TRABD2B: variants seen among roughly 807,000 people sequenced by gnomAD.
The protein encoded by TRABD2B is metalloprotease TIKI2.
In TRABD2B, 14 loss-of-function variants were observed where a neutral mutation model predicts 40.1. The ratio of observed to expected loss-of-function variants is 0.35; its 90% CI spans 0.23 to 0.55. The LOEUF (loss-of-function observed/expected upper bound fraction) is 0.55. Ranked by LOEUF, TRABD2B falls within the 20% of genes least tolerant of loss-of-function variation. The pLI, the probability that TRABD2B is intolerant of heterozygous loss-of-function variation, is 0.90. For synonymous variants in TRABD2B, 263 were observed against 277.0 expected (o/e 0.95, Z 0.50); for missense variants, 541 against 648.6 (o/e 0.83, Z 1.80).
intron 2 of TRABD2B, among the ~76,000 whole-genome samples, chr1:47,875,078 T>G (rs1644204623): frequency 6.6e-6 from 1 of 151,936 alleles, no homozygotes; most frequent in Non-Finnish European, 1.5e-5. Flanking sequence ...TCTATATGGG[T>G]GACAAAATCA....
intron 2 of TRABD2B, among the ~76,000 whole-genome samples, chr1:47,909,190 T>C (rs982486190): frequency 6.6e-6 from 1 of 152,184 alleles, no homozygotes; most frequent in African/African-American, 2.4e-5. Context: ...CTGTGCAAGG[T>C]AGTGTGTTAG....
chr1:47,765,930 A>G lies in TRABD2B; in HGVS notation c.1526T>C (p.Phe509Ser). ...GGAGGGCCCAAGGCTATGCAGCAGG[A>G]AGCAGACAGCGATGGTGGTGGCGAT... Reference protein sequence around the residue: ...PAIATTIAVCFLLHSLGPS With the variant: ...PAIATTIAVCSLLHSLGPS Residue 509 changes from phenylalanine to serine, a missense_variant, in exon 7 of 7, where the codon TTC becomes TCC. Physicochemically the swap from Phe to Ser is radical, Grantham distance 155 (BLOSUM62 -2). Around this residue, in one of 2 missense-constraint regions of TRABD2B, gnomAD observed 172 missense variants for 155.8 expected, o/e 1.10. Transcript: ENST00000606738. 1 of 702,966 alleles carries G rather than the reference A, an allele frequency of 1.4e-6. No homozygotes were observed. 43.5% of individuals were successfully genotyped at this position (702,966 alleles called of 1,614,324 possible).
At chr1:47,991,898 G>C (rs1486714323) in intron 2 of TRABD2B, among the ~76,000 whole-genome samples, 1 of 152,120 alleles carries the variant, frequency 6.6e-6, no homozygotes, top group African/African-American at 2.4e-5. Context: ...TTCTGATTTT[G>C]AATTTTTGGA....
intron 2 of TRABD2B, among the ~76,000 whole-genome samples, chr1:47,970,740 G>T (rs983626533): frequency 1.3e-5 from 2 of 152,148 alleles, no homozygotes; most frequent in African/African-American, 4.8e-5. Flanking sequence ...TTGTGGGTTG[G>T]ACTCAGGTCT....
chr1:47,874,341 C>T (rs1352549192), intron 2 of TRABD2B, among the ~76,000 whole-genome samples: 1 of 138,402 alleles, frequency 7.2e-6, no homozygotes, highest in Non-Finnish European at 1.5e-5. Flanking sequence ...GGCGCAATCT[C>T]GGCTCACTGC....
intron 6 of TRABD2B, among the ~76,000 whole-genome samples, chr1:47,767,888 TCAC>T (rs1275197933): frequency 6.6e-6 from 1 of 152,164 alleles, no homozygotes; most frequent in Non-Finnish European, 1.5e-5. Flanking sequence ...CAGCCTGTAA[TCAC>T]CACCACCAGA....
At chr1:47,946,173 T>A (rs1372433242) in intron 2 of TRABD2B, among the ~76,000 whole-genome samples, 1 of 152,238 alleles carries the variant, frequency 6.6e-6, no homozygotes, top group African/African-American at 2.4e-5. Flanking sequence ...TGGTACTTAC[T>A]TGCCATTCAT....
Position 47,936,976 on chromosome 1 carries a change from TCAC to T in TRABD2B, c.666+57055_666+57057del, listed in dbSNP as rs766112217. On this transcript the variant is annotated intron_variant, in intron 2 of 6. Transcript: ENST00000606738. ...ACCACCACCATCATGATCATCACCA[TCAC>T]CACCACCATCATGATCACCACCATC... Among the ~76,000 whole-genome samples, 16 of 147,416 alleles carry T rather than the reference TCAC, an allele frequency of 1.1e-4. No homozygotes were observed. The East Asian group carries it at 2.9e-3, about 26-fold the overall frequency.
In TRABD2B at chr1:47,909,622, C is replaced by T. The variant is rs1401364444; in HGVS notation, c.666+84412G>A. 5.4e-5 allele frequency among the ~76,000 whole-genome samples: 8 copies of T among 149,330 alleles called. No individual in the cohort carries two copies. In the South Asian group the frequency reaches 1.7e-3, roughly 32 times the overall value. On this transcript the variant is annotated intron_variant, in intron 2 of 6. Transcript: ENST00000606738. Reference sequence around the variant, plus strand: ...GGAGGAGCCAGACTCTTTTAAACGACCGGATCTCATGGGAACCAATAGAAT... The same window carrying T: ...GGAGGAGCCAGACTCTTTTAAACGATCGGATCTCATGGGAACCAATAGAAT...
rs1644432622 is a variant in TRABD2B at position 47,775,428 on chromosome 1, T to C, written c.1091A>G (p.Gln364Arg). 1.6e-6 allele frequency: 2 copies of C among 1,234,868 alleles called. No individual in the cohort carries two copies. The highest frequency in any genetic ancestry group is 1.5e-5 in the African/African-American group (1 of 64,560). The allele number at this position is 1,234,868 out of a possible 1,614,324, so 76.5% of individuals were successfully genotyped here. A position where few individuals can be genotyped will look rare whatever the true frequency, so the allele number is the denominator to read the frequency against. Residue 364 changes from glutamine to arginine, a missense_variant, in exon 6 of 7, where the codon CAG (glutamine) becomes CGG (arginine). Gln to Arg is a conservative substitution (Grantham distance 43). This residue lies in a region of TRABD2B where 172 missense variants were observed against 155.8 expected (regional missense o/e 1.10). Coordinates refer to ENST00000606738, the MANE Select transcript of TRABD2B (RefSeq NM_001194986.2). ...CCCCTCAGGAGAGGGCGCTGGGCTC[T>C]GGGGGGCAGGGCTGGAAAGAGGTAA... ...AGQAIHSPAP[Q>R]SPAPSPEGTS...
intron 2 of TRABD2B, among the ~76,000 whole-genome samples, chr1:47,883,853 A>C (rs539856915): frequency 1.3e-5 from 2 of 152,188 alleles, no homozygotes; most frequent in African/African-American, 4.8e-5. Context: ...AAAGTAAAAA[A>C]TGTGCTCAAA....
At chr1:47,856,619 T>TATCA (rs1643893765) in intron 2 of TRABD2B, among the ~76,000 whole-genome samples, 1 of 152,196 alleles carries the variant, frequency 6.6e-6, no homozygotes, top group South Asian at 2.1e-4. Flanking sequence ...GATGTCCTGA[T>TATCA]GGTCTAAGTG....
intron 2 of TRABD2B, among the ~76,000 whole-genome samples, 181 bp downstream of exon 2, chr1:47,993,853 C>T (rs116341700): frequency 0.011 from 1,700 of 152,322 alleles, 26 homozygotes; most frequent in African/African-American, 0.038. Context: ...GTATACGCCA[C>T]TCTCAACTGA....
intron 2 of TRABD2B, among the ~76,000 whole-genome samples, chr1:47,956,022 T>C (rs6673069): frequency 0.19 from 28,660 of 152,190 alleles, 3,268 homozygotes; most frequent in Admixed American, 0.26. Flanking sequence ...CTTGCCAGTT[T>C]CCTGGATGCT....
intron 6 of TRABD2B, among the ~76,000 whole-genome samples, chr1:47,766,692 A>G (rs1644308180): frequency 6.6e-6 from 1 of 152,114 alleles, no homozygotes; most frequent in African/African-American, 2.4e-5. Context: ...AGGCTCAGAG[A>G]GGCTGTGTGG....
rs1390971 is a variant in TRABD2B at position 47,893,076 on chromosome 1, C to G, written c.667-91457G>C. Among the ~76,000 whole-genome samples, 8 of 152,282 alleles carry G rather than the reference C, an allele frequency of 5.3e-5. No individual in the cohort carries two copies. The South Asian group carries it at 1.5e-3, about 28-fold the overall frequency. ...TTGTGAGGTCAGTGGTGAGACAGGT[C>G]TATGTCCAGACGCAGTGTCATCTGG... On this transcript the variant is annotated intron_variant, in intron 2 of 6. Coordinates refer to ENST00000606738, the MANE Select transcript of TRABD2B (RefSeq NM_001194986.2).
intron 2 of TRABD2B, among the ~76,000 whole-genome samples, chr1:47,902,845 A>G (rs1644620947): frequency 6.6e-6 from 1 of 152,210 alleles, no homozygotes. Context: ...GTGGCTATTG[A>G]GACTGAGGAA....
intron 2 of TRABD2B, among the ~76,000 whole-genome samples, chr1:47,865,732 C>T (rs1230262395): frequency 6.6e-6 from 1 of 152,110 alleles, no homozygotes; most frequent in African/African-American, 2.4e-5. Flanking sequence ...GCCTTGCATC[C>T]TAGGCGCTTG....
intron 2 of TRABD2B, among the ~76,000 whole-genome samples, chr1:47,877,985 C>A (rs529706983): frequency 3.4e-5 from 5 of 148,840 alleles, no homozygotes; most frequent in Admixed American, 6.7e-5. Flanking sequence ...GCCTGGGCGA[C>A]AGAGCAAGTC....
Sources: allele counts gnomAD v4.1 joint callset (sites outside exome capture counted in the v4.1 genomes callset), GRCh38; gene constraint gnomAD v4.1.1; regional missense constraint gnomAD v4.1.1; transcripts MANE v1.5; gene names NCBI Gene and HGNC (gene_info 2026-07-23, HGNC 2026-07-21).